CCDC178: variants seen among roughly 807,000 people sequenced by gnomAD.
The protein encoded by CCDC178 is coiled-coil domain containing 178.
In CCDC178, 126 loss-of-function variants were observed where a neutral mutation model predicts 117.4. That is an observed-to-expected ratio of 1.07 (90% confidence interval 0.93 to 1.24). The LOEUF is 1.24. Among genes scored for constraint, CCDC178 ranks in the 50% most tolerant of loss-of-function variants. CCDC178 has a pLI of 0.00. For synonymous variants in CCDC178, 283 were observed against 313.4 expected, an observed-to-expected ratio of 0.90 and a Z score of 1.02; for missense variants, 1,030 against 986.9, an observed-to-expected ratio of 1.04 and a Z score of -0.59.
chr18:33,270,235 G>C (rs1432547492), intron 12 of CCDC178, among the ~76,000 whole-genome samples: 1 of 151,562 alleles, frequency 6.6e-6, no homozygotes, highest in African/African-American at 2.4e-5. Flanking sequence ...ATTCATAGTT[G>C]TGTGACATTC....
intron 4 of CCDC178, among the ~76,000 whole-genome samples, chr18:33,393,904 C>T (rs779701354): frequency 6.6e-6 from 1 of 151,786 alleles, no homozygotes; most frequent in Non-Finnish European, 1.5e-5. Flanking sequence ...TAAAGAGACA[C>T]GTATACATAC....
intron 2 of CCDC178, among the ~76,000 whole-genome samples, chr18:33,439,694 G>A (rs2064351013): frequency 6.6e-6 from 1 of 152,164 alleles, no homozygotes; most frequent in Non-Finnish European, 1.5e-5. Flanking sequence ...AATATTTTGA[G>A]GGTAGGAGGG....
At chr18:33,426,086 G>C (rs867062002) in intron 2 of CCDC178, among the ~76,000 whole-genome samples, 49 of 152,144 alleles carry the variant, frequency 3.2e-4, no homozygotes, top group African/African-American at 1.1e-3. Context: ...GTATGATATA[G>C]AAGGGATTAA....
At chr18:33,264,773 T>C (rs1395543660) in intron 14 of CCDC178, among the ~76,000 whole-genome samples, 1 of 152,174 alleles carries the variant, frequency 6.6e-6, no homozygotes, top group Non-Finnish European at 1.5e-5. Context: ...GGTATTAACA[T>C]GTATCACCCT....
At chr18:33,066,519 TA>T (rs2057019859) in intron 21 of CCDC178, among the ~76,000 whole-genome samples, 1 of 152,094 alleles carries the variant, frequency 6.6e-6, no homozygotes, top group Non-Finnish European at 1.5e-5. Flanking sequence ...ACTTTGAATA[TA>T]AAAAATTAAA....
At chr18:33,062,530 C>T (rs1411159443) in intron 21 of CCDC178, among the ~76,000 whole-genome samples, 2 of 152,320 alleles carry the variant, frequency 1.3e-5, no homozygotes, top group African/African-American at 4.8e-5. Context: ...CTGGAATTGA[C>T]TCAGAGCCAG....
At chr18:33,137,438 T>C (rs1174274508) in intron 20 of CCDC178, among the ~76,000 whole-genome samples, 5 of 152,232 alleles carry the variant, frequency 3.3e-5, no homozygotes, top group Non-Finnish European at 5.9e-5. Context: ...AGCAATTGTG[T>C]ATTTACACCA....
intron 22 of CCDC178, among the ~76,000 whole-genome samples, chr18:32,970,263 T>G (rs1369021511): frequency 6.6e-6 from 1 of 151,968 alleles, no homozygotes; most frequent in Non-Finnish European, 1.5e-5. Flanking sequence ...GATCTGCCAG[T>G]CATGCCTTTG....
chr18:33,255,844 C>T (rs930705795), intron 14 of CCDC178, among the ~76,000 whole-genome samples: 1 of 151,822 alleles, frequency 6.6e-6, no homozygotes, highest in African/African-American at 2.4e-5. Context: ...TCTAGGATTC[C>T]TGAAAAGAAC....
chr18:33,436,010 G>A (rs780952535), intron 2 of CCDC178, among the ~76,000 whole-genome samples: 1 of 151,974 alleles, frequency 6.6e-6, no homozygotes, highest in Non-Finnish European at 1.5e-5. Context: ...AAGGTTTGAT[G>A]GATACATAGT....
At position 33,223,220 on chromosome 18, in the gene CCDC178, C is replaced by T; in HGVS notation, c.1819-1G>A. 3 of 1,591,770 alleles carry T rather than the reference C, an allele frequency of 1.9e-6. No individual in the cohort carries two copies. Among genetic ancestry groups the T allele is most frequent in the African/African-American group, 1.4e-5 (1 of 73,920 alleles). On this transcript the variant is annotated splice_acceptor_variant, in intron 17 of 22. Transcript: ENST00000383096. LOFTEE classifies it high-confidence loss of function. ...TCTGATCAATTATATTATTAAGCAT[C>T]TAGAAGACATTCAGATATTAAGATG...
intron 12 of CCDC178, among the ~76,000 whole-genome samples, chr18:33,286,416 T>C (rs2060099698): frequency 6.6e-6 from 1 of 152,218 alleles, no homozygotes. Flanking sequence ...TTTTTGTCTG[T>C]TAGAAAATCA....
At chr18:33,392,402 GT>G in intron 4 of CCDC178, among the ~76,000 whole-genome samples, 1 of 152,228 alleles carries the variant, frequency 6.6e-6, no homozygotes, top group African/African-American at 2.4e-5. Context: ...TTGAACTTTA[GT>G]TTTACTCTAA....
chr18:32,957,247 G>T (rs1029826677), intron 22 of CCDC178, among the ~76,000 whole-genome samples: 5 of 152,244 alleles, frequency 3.3e-5, no homozygotes, highest in African/African-American at 1.2e-4. Flanking sequence ...CAGTCTTGTG[G>T]TATTTGCTAG....
chr18:32,951,051 G>GA (rs1167857721), intron 22 of CCDC178, among the ~76,000 whole-genome samples: 1 of 151,562 alleles, frequency 6.6e-6, no homozygotes, highest in African/African-American at 2.4e-5. Context: ...TTTGTCAAAA[G>GA]AAAAAAAATA....
chr18:33,407,851 T>A (rs1031232514), intron 3 of CCDC178, among the ~76,000 whole-genome samples: 1 of 151,466 alleles, frequency 6.6e-6, no homozygotes, highest in Non-Finnish European at 1.5e-5. Flanking sequence ...AGAAAAAAAA[T>A]AATAAAAATA....
chr18:32,976,489 A>G (rs948064391), intron 21 of CCDC178, among the ~76,000 whole-genome samples: 4 of 152,090 alleles, frequency 2.6e-5, no homozygotes, highest in African/African-American at 7.2e-5. Context: ...TATTAATTAA[A>G]TTTGCTTTAA....
intron 14 of CCDC178, among the ~76,000 whole-genome samples, chr18:33,258,120 C>T (rs895848801): frequency 1.3e-5 from 2 of 152,088 alleles, no homozygotes; most frequent in African/African-American, 4.8e-5. Flanking sequence ...AGCCTTCCAT[C>T]TTAAATGCAC....
intron 20 of CCDC178, among the ~76,000 whole-genome samples, chr18:33,132,351 G>A (rs910221563): frequency 1.3e-5 from 2 of 151,630 alleles, no homozygotes; most frequent in Admixed American, 6.6e-5. Context: ...ATCTAAAAGA[G>A]GTTATGCACT....
Sources: allele counts gnomAD v4.1 joint callset (sites outside exome capture counted in the v4.1 genomes callset), GRCh38; gene constraint gnomAD v4.1.1; transcripts MANE v1.5; gene names NCBI Gene and HGNC (gene_info 2026-07-23, HGNC 2026-07-21).